The following RAB44 variants were observed in gnomAD, a reference collection of about 807,000 sequenced individuals.
RAB44 encodes ras-related protein Rab-44.
A neutral mutation model predicts 93.3 loss-of-function variants in RAB44; 67 were observed. The observed-to-expected ratio is 0.72, with a 90% CI of 0.59 to 0.88. RAB44 has a LOEUF of 0.88. Ranked by LOEUF, RAB44 falls within the 40% of genes least tolerant of loss-of-function variation. The pLI, the probability that RAB44 is intolerant of heterozygous loss-of-function variation, is 0.00. For missense variants in RAB44, 1,064 were observed against 1,261.7 expected, an observed-to-expected ratio of 0.84 and a Z score of 2.37; for synonymous variants, 427 against 520.3, an observed-to-expected ratio of 0.82 and a Z score of 2.44.
At chr6:36,705,555 G>A (rs959627852) in intron 2 of RAB44, among the ~76,000 whole-genome samples, 2 of 151,994 alleles carry the variant, frequency 1.3e-5, no homozygotes, top group Admixed American at 1.3e-4. Context: ...GCTAGTTTTT[G>A]TATGTTTAGT....
chr6:36,727,824 C>T (rs2150341872), intron 11 of RAB44, 133 bp downstream of exon 11: 4 of 674,066 alleles, frequency 5.9e-6, no homozygotes, highest in Non-Finnish European at 1.1e-5. Context: ...CCACTGAGGG[C>T]ATGTGGTTGG....
At chr6:36,723,037 A>T (rs1365193967) in intron 9 of RAB44, among the ~76,000 whole-genome samples, 2 of 152,226 alleles carry the variant, frequency 1.3e-5, no homozygotes, top group Non-Finnish European at 2.9e-5. Flanking sequence ...GTATCCACTC[A>T]TGTGGCCCAT....
intron 8 of RAB44, among the ~76,000 whole-genome samples, chr6:36,720,950 C>A (rs1313046472): frequency 2.0e-5 from 3 of 152,124 alleles, no homozygotes; most frequent in Non-Finnish European, 4.4e-5. Flanking sequence ...GGTGAGGCTT[C>A]ATGTGGGTCT....
Position 36,717,564 on chromosome 6 carries a change from C to CA in RAB44, c.641+146dup. 1.0e-6 allele frequency: 1 copy of CA among 964,166 alleles called. No individual in the cohort carries two copies. Among genetic ancestry groups the CA allele is most frequent in the Non-Finnish European group, 1.3e-6 (1 of 744,596 alleles). 59.7% of individuals were successfully genotyped at this position (964,166 alleles called of 1,614,324 possible). A position where few individuals can be genotyped will look rare whatever the true frequency, so the allele number is the denominator to read the frequency against. The stretch of plus-strand genomic sequence containing the variant: ...AGCTGCGCTGGAGGAAGAGGTGGCT[C>CA]AGGGGACCGGGTGGGGAGGACAGAG... On this transcript the variant is annotated intron_variant, in intron 5 of 13. Coordinates refer to ENST00000612677, the MANE Select transcript of RAB44 (RefSeq NM_001257357.2). The surrounding 1 kb of genome is among the most constrained non-coding windows in gnomAD (Gnocchi z 4.1).
intron 2 of RAB44, among the ~76,000 whole-genome samples, chr6:36,713,507 T>C (rs1762837614): frequency 1.3e-5 from 2 of 152,216 alleles, no homozygotes; most frequent in African/African-American, 4.8e-5. Context: ...CAGGTAATTT[T>C]TGGACACTGA....
chr6:36,698,361 G>T (rs117925825), intron 1 of RAB44, among the ~76,000 whole-genome samples: 5 of 152,142 alleles, frequency 3.3e-5, no homozygotes, highest in African/African-American at 1.2e-4. Flanking sequence ...ATGGATACCC[G>T]GAGGCCCCAG....
At position 36,717,614 on chromosome 6, in the gene RAB44, GCAGGGTGTGTCTTGGTA is replaced by G. The variant is rs367986012; in HGVS notation, c.641+200_641+216del. Among the ~76,000 whole-genome samples the G allele has an allele frequency of 6.2e-4, 95 of 152,308 alleles. 2 individuals are homozygous for G. The highest frequency in any genetic ancestry group is 2.2e-3 in the African/African-American group (92 of 41,576). On this transcript the variant is annotated intron_variant, in intron 5 of 13. Transcript: ENST00000612677. The surrounding 1 kb of genome is among the most constrained non-coding windows in gnomAD (Gnocchi z 4.1). ...GTTGGTAATGGCAGGAGTGGGAAGG[GCAGGGTGTGTCTTGGTA>G]CAGGACCCACTGTGACGCCCAACTC... is the stretch of plus-strand genomic sequence containing the variant.
chr6:36,710,547 C>CT (rs113911213), intron 2 of RAB44, among the ~76,000 whole-genome samples: 90 of 144,144 alleles, frequency 6.2e-4, no homozygotes, highest in Admixed American at 2.1e-3. Flanking sequence ...TTTTGTACAA[C>CT]TTTTTTTTTT....
In RAB44 at chr6:36,718,027, G is replaced by A; in HGVS notation, c.642-1G>A. On this transcript the variant is annotated splice_acceptor_variant, in intron 5 of 13. Transcript: ENST00000612677. LOFTEE classifies it high-confidence loss of function. ...CTGGCCCCAACTCCTGCTCCTCCCAGGCGTGACTCTGACCACCACCGCGAG... is the reference window on the plus strand; with the variant it reads ...CTGGCCCCAACTCCTGCTCCTCCCAAGCGTGACTCTGACCACCACCGCGAG... 1 of 1,232,126 alleles carries A rather than the reference G, an allele frequency of 8.1e-7. No homozygotes were observed. Among genetic ancestry groups the A allele is most frequent in the Non-Finnish European group, 1.0e-6 (1 of 988,028 alleles). The allele number at this position is 1,232,126 out of a possible 1,614,324, so 76.3% of individuals were successfully genotyped here. A position where few individuals can be genotyped will look rare whatever the true frequency, so the allele number is the denominator to read the frequency against.
intron 10 of RAB44, 82 bp from the exon 11 acceptor site, chr6:36,727,495 A>T: frequency 1.2e-6 from 1 of 838,010 alleles, no homozygotes; most frequent in Non-Finnish European, 2.0e-6. Flanking sequence ...TAGAAGTAGG[A>T]TAGGTTACTT....
At position 36,731,968 on chromosome 6, in the gene RAB44, G is replaced by A. The variant is rs1233976865; in HGVS notation, c.2976-35G>A. On this transcript the variant is annotated intron_variant, in intron 13 of 13. Transcript: ENST00000612677. The surrounding 1 kb of genome is among the most constrained non-coding windows in gnomAD (Gnocchi z 4.0). ...CCCATCCGTGCTGCCCGTAGGAGGT[G>A]AGAGAGAGGCCTGATGCCTGGCACT... 2 of 1,222,184 alleles carry A rather than the reference G, an allele frequency of 1.6e-6. No individual in the cohort carries two copies. The highest frequency in any genetic ancestry group is 1.0e-6 in the Non-Finnish European group (1 of 978,350). The allele number at this position is 1,222,184 out of a possible 1,614,324, so 75.7% of individuals were successfully genotyped here.
chr6:36,711,151 A>T (rs1399153342), intron 2 of RAB44, among the ~76,000 whole-genome samples: 2 of 152,238 alleles, frequency 1.3e-5, no homozygotes, highest in Non-Finnish European at 2.9e-5. Flanking sequence ...GTTACCTAAG[A>T]ATCTTGGAAA....
chr6:36,699,128 G>A (rs1762453075), intron 1 of RAB44, among the ~76,000 whole-genome samples: 1 of 152,166 alleles, frequency 6.6e-6, no homozygotes. Context: ...CACCTGTCAG[G>A]CAAGGAGCGG....
At position 36,731,920 on chromosome 6, in the gene RAB44, C is replaced by A; in HGVS notation, c.2976-83C>A. 1.1e-6 allele frequency: 1 copy of A among 917,110 alleles called. No individual in the cohort carries two copies. The highest frequency in any genetic ancestry group is 1.4e-6 in the Non-Finnish European group (1 of 701,482). The allele number at this position is 917,110 out of a possible 1,614,324, so 56.8% of individuals were successfully genotyped here. Reference sequence around the variant, plus strand: ...TGTGGGGGTTGTGGGTGCGGCCTCCCACCCCCCAGCTGCACCCATGGGCCC... The same window carrying A: ...TGTGGGGGTTGTGGGTGCGGCCTCCAACCCCCCAGCTGCACCCATGGGCCC... On this transcript the variant is annotated intron_variant, in intron 13 of 13. Transcript: ENST00000612677. This position sits in a 1 kb window ranked among gnomAD's most constrained non-coding sequence, Gnocchi z 4.0.
intron 9 of RAB44, among the ~76,000 whole-genome samples, chr6:36,724,670 A>C (rs1763189658): frequency 6.6e-6 from 1 of 151,914 alleles, no homozygotes; most frequent in Admixed American, 6.6e-5. Flanking sequence ...CCAACCAACC[A>C]ACCAACCAAC....
chr6:36,703,897 C>T (rs1173165772), intron 1 of RAB44, among the ~76,000 whole-genome samples: 1 of 152,122 alleles, frequency 6.6e-6, no homozygotes, highest in Non-Finnish European at 1.5e-5. Flanking sequence ...ATTCTGCGTG[C>T]GGTGAATAGG....
In RAB44 at chr6:36,709,702, C is replaced by T. The variant is rs144303667; in HGVS notation, c.208-4126C>T. Among the ~76,000 whole-genome samples the T allele has an allele frequency of 3.2e-4, 48 of 152,240 alleles. 1 individual carries two copies. The highest frequency in any genetic ancestry group is 1.1e-3 in the African/African-American group (46 of 41,538). On this transcript the variant is annotated intron_variant, in intron 2 of 13. Coordinates refer to ENST00000612677, the MANE Select transcript of RAB44 (RefSeq NM_001257357.2). ...ACCCAATTAGCTGGAATTACAGACG[C>T]CCGCCACCATGCCAGGAGGATTTTT...
chr6:36,729,486 C>T (rs236466), intron 12 of RAB44, among the ~76,000 whole-genome samples: 43,718 of 136,512 alleles, frequency 0.32, 7,414 homozygotes, highest in Non-Finnish European at 0.38. Context: ...TTCTTTCTTT[C>T]TTTTTTTTTT....
rs565434802 is a variant in RAB44, at chr6:36,722,252, G to A, written c.2118G>A (p.Ala706=). The A allele has an allele frequency of 7.1e-6, 9 of 1,273,166 alleles. No homozygotes were observed. Among genetic ancestry groups the A allele is most frequent in the African/African-American group, 3.0e-5 (2 of 65,918 alleles). The allele number at this position is 1,273,166 out of a possible 1,614,324, so 78.9% of individuals were successfully genotyped here. ...QSVEAHGLET[A]HSELPQQDSL... ...TTGAGGCTCACGGCCTAGAAACTGC[G>A]CATTCGGAACTCCCCCAGCAAGACT... is the stretch of plus-strand genomic sequence containing the variant. Residue 706 remains alanine (A), a synonymous_variant, in exon 9 of 14, where the codon GCG becomes GCA. Transcript: ENST00000612677.
Sources: gnomAD v4.1 joint callset for allele counts (sites outside exome capture counted in the v4.1 genomes callset) on GRCh38, gnomAD v4.1.1 for gene constraint, Gnocchi (gnomAD v3.1) non-coding constraint, MANE v1.5 for transcripts, NCBI Gene and HGNC (gene_info 2026-07-23, HGNC 2026-07-21) for gene names.